Variants in REV3L observed in about 807,000 individuals in gnomAD.
REV3L encodes REV3 like, DNA directed polymerase zeta catalytic subunit.
A neutral mutation model predicts 299.4 loss-of-function variants in REV3L; 69 were observed. The observed-to-expected ratio is 0.23, with a 90% CI of 0.19 to 0.28. REV3L has a LOEUF of 0.28. Ranked by LOEUF, REV3L falls within the 10% of genes least tolerant of loss-of-function variation. REV3L has a pLI of 1.00. For synonymous variants in REV3L, 1,238 were observed against 1,271.4 expected, an observed-to-expected ratio of 0.97 and a Z score of 0.56; for missense variants, 3,128 against 3,693.8, an observed-to-expected ratio of 0.85 and a Z score of 3.97.
chr6:111,450,478 C>CAAAAAAAA (rs869119350), intron 1 of REV3L, among the ~76,000 whole-genome samples: 16 of 54,100 alleles, frequency 3.0e-4, no homozygotes, highest in African/African-American at 9.9e-4. Flanking sequence ...GACCCTGTCT[C>CAAAAAAAA]AAAAAAAAAA....
intron 30 of REV3L, chr6:111,307,791 G>T: frequency 1.9e-6 from 1 of 530,900 alleles, no homozygotes; most frequent in Non-Finnish European, 3.3e-6. Context: ...AATATTATCA[G>T]ATACATTTTT....
chr6:111,471,471 T>C (rs1305778899), intron 1 of REV3L, among the ~76,000 whole-genome samples: 2 of 152,244 alleles, frequency 1.3e-5, no homozygotes, highest in Non-Finnish European at 2.9e-5. Flanking sequence ...AAAAATTCCA[T>C]GTTTCATTTC....
At chr6:111,316,070 C>T (rs1241067645) in intron 26 of REV3L, among the ~76,000 whole-genome samples, 1 of 151,942 alleles carries the variant, frequency 6.6e-6, no homozygotes, top group East Asian at 1.9e-4. Context: ...GAAACCCCAT[C>T]CCTACTAAAA....
chr6:111,299,958 A>ACAGTT lies in REV3L; in HGVS notation c.*53_*57dup. 1 of 1,528,824 alleles carries ACAGTT rather than the reference A, an allele frequency of 6.5e-7. No individual in the cohort carries two copies. The highest frequency in any genetic ancestry group is 8.9e-7 in the Non-Finnish European group (1 of 1,128,020). 94.7% of individuals were successfully genotyped at this position (1,528,824 alleles called of 1,614,324 possible). On this transcript the variant is annotated 3_prime_UTR_variant, in exon 32 of 32. Transcript: ENST00000368802. ...TGAAAGTTAAAAAGCACCATGCACA[A>ACAGTT]CAGTTTAGTGGTAAGCACTGAAAAA...
chr6:111,465,085 G>GTT (rs372736461), intron 1 of REV3L, among the ~76,000 whole-genome samples: 3,330 of 129,956 alleles, frequency 0.026, 94 homozygotes, highest in Non-Finnish European at 0.039. Context: ...ATTTTTATTT[G>GTT]TTTTTTTTTT....
chr6:111,431,404 T>C (rs1219389850), intron 1 of REV3L: 9 of 984,664 alleles, frequency 9.1e-6, no homozygotes, highest in African/African-American at 3.2e-5. Flanking sequence ...GTAACAAACT[T>C]TGGCGTTCCG....
chr6:111,302,021 C>T (rs644895), intron 31 of REV3L, among the ~76,000 whole-genome samples: 3,888 of 152,274 alleles, frequency 0.026, 65 homozygotes, highest in South Asian at 0.079. Context: ...ATTCTTTGAT[C>T]TATATTTATC....
At chr6:111,326,612 C>CA (rs1017707474) in intron 25 of REV3L, among the ~76,000 whole-genome samples, 2 of 148,166 alleles carry the variant, frequency 1.3e-5, no homozygotes, top group Non-Finnish European at 3.0e-5. Flanking sequence ...TATACCCCCC[C>CA]CAAAAAAAAA....
chr6:111,483,028 A>G lies in REV3L; in HGVS notation c.-140T>C, dbSNP rs1346169349. On this transcript the variant is annotated 5_prime_UTR_variant, in exon 1 of 32. Coordinates refer to ENST00000368802, the MANE Select transcript of REV3L (RefSeq NM_001372078.1). ...CCTCCCCTCACACAGAGGCACCTCGAGGAGCGGCGGGCGGGGCGGTGTAGG... is the reference window on the plus strand; with the variant it reads ...CCTCCCCTCACACAGAGGCACCTCGGGGAGCGGCGGGCGGGGCGGTGTAGG... 7.4e-6 allele frequency: 8 copies of G among 1,081,482 alleles called. No homozygotes were observed. In the East Asian group the frequency reaches 2.2e-4, roughly 30 times the overall value. 67.0% of individuals were successfully genotyped at this position (1,081,482 alleles called of 1,614,324 possible).
At chr6:111,402,109 T>A (rs1783146968) in intron 4 of REV3L, among the ~76,000 whole-genome samples, 1 of 152,012 alleles carries the variant, frequency 6.6e-6, no homozygotes, top group African/African-American at 2.4e-5. Flanking sequence ...AAACCCTGTC[T>A]TACAAAGAAA....
At chr6:111,307,668 C>A in intron 30 of REV3L, 98 bp from the exon 31 acceptor site, 1 of 1,101,130 alleles carries the variant, frequency 9.1e-7, no homozygotes, top group Non-Finnish European at 1.3e-6. Context: ...TTCATTCATT[C>A]GTTCATTCAC....
intron 4 of REV3L, among the ~76,000 whole-genome samples, chr6:111,396,442 C>T (rs1782518457): frequency 6.6e-6 from 1 of 151,588 alleles, no homozygotes; most frequent in African/African-American, 2.4e-5. Context: ...TGATGCTGAC[C>T]TGTAGTTTTC....
chr6:111,416,535 A>T (rs1388169790), intron 1 of REV3L, 63 bp from the exon 2 acceptor site: 2 of 1,309,638 alleles, frequency 1.5e-6, no homozygotes, highest in African/African-American at 1.5e-5. Flanking sequence ...AAAACTCAGA[A>T]TGAAACTCAT....
chr6:111,316,380 T>C (rs769850747), intron 26 of REV3L, among the ~76,000 whole-genome samples: 32 of 151,872 alleles, frequency 2.1e-4, no homozygotes, highest in Non-Finnish European at 4.7e-4. Flanking sequence ...AAGAAAGACA[T>C]TGGCTGGGTG....
intron 18 of REV3L, chr6:111,356,773 G>C (rs1197117573): frequency 4.4e-6 from 1 of 225,162 alleles, no homozygotes; most frequent in Non-Finnish European, 8.6e-6. Flanking sequence ...ACAAATATTT[G>C]TCTTTCACTG....
intron 12 of REV3L, among the ~76,000 whole-genome samples, chr6:111,377,330 A>ATTTT: frequency 6.6e-6 from 1 of 152,066 alleles, no homozygotes; most frequent in South Asian, 2.1e-4. Flanking sequence ...TCAAAATCAT[A>ATTTT]TTTATTTATT....
At chr6:111,341,456 G>A (rs1317420051) in intron 21 of REV3L, among the ~76,000 whole-genome samples, 1 of 152,196 alleles carries the variant, frequency 6.6e-6, no homozygotes, top group African/African-American at 2.4e-5. Flanking sequence ...AATATGCGAT[G>A]ACATGCTCAG....
intron 11 of REV3L, among the ~76,000 whole-genome samples, chr6:111,379,458 C>T (rs997937297): frequency 6.6e-6 from 1 of 152,186 alleles, no homozygotes; most frequent in African/African-American, 2.4e-5. Context: ...CAATCAAGTT[C>T]ACAGAGACTG....
In REV3L at chr6:111,307,418, T is replaced by A; in HGVS notation, c.9195A>T (p.Ala3065=). 1 of 1,614,206 alleles carries A rather than the reference T, an allele frequency of 6.2e-7. No homozygotes were observed. Among genetic ancestry groups the A allele is most frequent in the Non-Finnish European group, 8.5e-7 (1 of 1,180,024 alleles). The change falls in exon 31 of 32, where the codon GCA becomes GCT. Residue 3065 remains alanine (A), a synonymous_variant. Transcript: ENST00000368802. ...CCCGGATTTCTTGGTTGAGGATGAC[T>A]GCAACATGCTGAGGTTGGCTCCGAC... ...SKCRSQPQHV[A]VILNQEIREL...
Sources: allele counts gnomAD v4.1 joint callset (sites outside exome capture counted in the v4.1 genomes callset), GRCh38; gene constraint gnomAD v4.1.1; transcripts MANE v1.5; gene names NCBI Gene and HGNC (gene_info 2026-07-23, HGNC 2026-07-21).